The following PPM1H variants were observed in gnomAD, a reference collection of about 807,000 sequenced individuals.
PPM1H encodes protein phosphatase, Mg2+/Mn2+ dependent 1H.
Under a neutral mutation model 54.9 loss-of-function variants are expected in PPM1H, and 27 were observed. The ratio of observed to expected loss-of-function variants is 0.49; its 90% CI spans 0.36 to 0.68. The LOEUF (loss-of-function observed/expected upper bound fraction) is 0.68, where lower values mean the gene tolerates loss of function less well. Ranked by LOEUF, PPM1H falls within the 30% of genes least tolerant of loss-of-function variation. PPM1H has a pLI of 0.00. For missense variants in PPM1H, 596 were observed against 667.8 expected (o/e 0.89, Z 1.19); for synonymous variants, 305 against 270.8 (o/e 1.13, Z -1.24).
chr12:62,724,147 T>C (rs1379124361), intron 5 of PPM1H, among the ~76,000 whole-genome samples: 1 of 152,224 alleles, frequency 6.6e-6, no homozygotes, highest in Non-Finnish European at 1.5e-5. Flanking sequence ...TGTCCTTTGA[T>C]CAAACTTCTG....
rs2076772795 is a variant in PPM1H at position 62,801,939 on chromosome 12, G to A, written c.633C>T (p.Ser211=). ...ANSRTLTRAA[S]LRGGVGAPGS... ...CCGGGGCCCCCACCCCTCCGCGCAGGGAGGCTGCCCGGGTCAGAGTCCGGC... is the reference window on the plus strand; with the variant it reads ...CCGGGGCCCCCACCCCTCCGCGCAGAGAGGCTGCCCGGGTCAGAGTCCGGC... The change falls in exon 3 of 10, where the codon TCC becomes TCT. Residue 211 remains serine, a synonymous_variant. Transcript: ENST00000228705. The A allele has an allele frequency of 1.9e-6, 3 of 1,612,942 alleles. No individual in the cohort carries two copies. The highest frequency in any genetic ancestry group is 1.7e-4 in the Middle Eastern group (1 of 6,058).
chr12:62,700,919 TTTA>T (rs2076140624), intron 6 of PPM1H, among the ~76,000 whole-genome samples: 1 of 152,224 alleles, frequency 6.6e-6, no homozygotes, highest in Admixed American at 6.5e-5. Flanking sequence ...CCTTTCCTGC[TTTA>T]TTTTTTTTCC....
intron 2 of PPM1H, among the ~76,000 whole-genome samples, chr12:62,820,695 A>G (rs918934709): frequency 3.9e-5 from 6 of 152,240 alleles, no homozygotes; most frequent in Admixed American, 6.5e-5. Context: ...TTAGAAGGAA[A>G]ACTAACAAAC....
chr12:62,831,990 A>G, intron 2 of PPM1H, 124 bp downstream of exon 2: 1 of 1,171,520 alleles, frequency 8.5e-7, no homozygotes, highest in Non-Finnish European at 1.2e-6. Context: ...CCACCCCACT[A>G]ACTCTGGGGA....
chr12:62,809,869 G>A (rs2076824670), intron 2 of PPM1H, among the ~76,000 whole-genome samples: 1 of 152,104 alleles, frequency 6.6e-6, no homozygotes. Context: ...CTGGAACTAT[G>A]ACCATCATGT....
At chr12:62,697,341 C>T (rs766663002) in intron 6 of PPM1H, among the ~76,000 whole-genome samples, 28 of 152,254 alleles carry the variant, frequency 1.8e-4, no homozygotes, top group Non-Finnish European at 3.7e-4. Flanking sequence ...TGGTCCTGAA[C>T]TCCTGACCTC....
intron 9 of PPM1H, among the ~76,000 whole-genome samples, chr12:62,664,127 TTC>T (rs981701486): frequency 1.3e-5 from 2 of 152,262 alleles, no homozygotes; most frequent in African/African-American, 4.8e-5. Flanking sequence ...CTTTCTTTTC[TTC>T]TCTGTTTCCA....
At chr12:62,777,907 T>C (rs1201940669) in intron 4 of PPM1H, among the ~76,000 whole-genome samples, 1 of 152,208 alleles carries the variant, frequency 6.6e-6, no homozygotes, top group African/African-American at 2.4e-5. Context: ...TGGTATGCTG[T>C]TTACTTGTAG....
At chr12:62,909,960 G>T (rs1365326347) in intron 1 of PPM1H, among the ~76,000 whole-genome samples, 1 of 152,162 alleles carries the variant, frequency 6.6e-6, no homozygotes, top group South Asian at 2.1e-4. Context: ...TGAAGATTAC[G>T]GAGGTTTTAA....
chr12:62,833,543 C>T (rs2120864804), intron 1 of PPM1H, among the ~76,000 whole-genome samples: 1 of 152,224 alleles, frequency 6.6e-6, no homozygotes, highest in South Asian at 2.1e-4. Context: ...ATTCAAATTT[C>T]ACCATTTCTT....
chr12:62,753,368 C>A (rs527410055), intron 4 of PPM1H, among the ~76,000 whole-genome samples: 18 of 152,326 alleles, frequency 1.2e-4, no homozygotes, highest in Middle Eastern at 3.4e-3. Context: ...AAACACTCTT[C>A]TTTGTCACAG....
intron 3 of PPM1H, among the ~76,000 whole-genome samples, chr12:62,794,974 C>T (rs550841629): frequency 1.3e-5 from 2 of 152,064 alleles, no homozygotes; most frequent in African/African-American, 4.8e-5. Flanking sequence ...AGGAGGGATT[C>T]GCTACATAGC....
At chr12:62,773,598 A>G (rs1476299678) in intron 4 of PPM1H, among the ~76,000 whole-genome samples, 1 of 152,234 alleles carries the variant, frequency 6.6e-6, no homozygotes, top group Non-Finnish European at 1.5e-5. Flanking sequence ...GCCCACATGC[A>G]GCCACTAAAC....
At position 62,788,451 on chromosome 12, in the gene PPM1H, A is replaced by G. The variant is rs1006997254; in HGVS notation, c.757-113T>C. The G allele has an allele frequency of 1.8e-5, 12 of 670,814 alleles. No individual in the cohort carries two copies. In the South Asian group the frequency reaches 2.4e-4, roughly 13 times the overall value. 41.6% of individuals were successfully genotyped at this position (670,814 alleles called of 1,614,324 possible). ...TCTGAATGTGCTTCAAGAAGGGACTAGAAAAATCTTTAGTGCTTGCTTTCC... is the reference window on the plus strand; with the variant it reads ...TCTGAATGTGCTTCAAGAAGGGACTGGAAAAATCTTTAGTGCTTGCTTTCC... On this transcript the variant is annotated intron_variant, in intron 3 of 9. Transcript: ENST00000228705.
intron 6 of PPM1H, among the ~76,000 whole-genome samples, chr12:62,698,517 A>G (rs186289369): frequency 5.4e-4 from 82 of 152,228 alleles, no homozygotes; most frequent in African/African-American, 1.8e-3. Flanking sequence ...TGCATCCAAC[A>G]AACAGTAACT....
At chr12:62,826,628 T>A (rs1401228039) in intron 2 of PPM1H, among the ~76,000 whole-genome samples, 2 of 152,196 alleles carry the variant, frequency 1.3e-5, no homozygotes, top group Non-Finnish European at 2.9e-5. Context: ...TTATTAAAAA[T>A]TTTAGGTTTT....
chr12:62,844,171 C>T lies in PPM1H; in HGVS notation c.246-11892G>A, dbSNP rs1868866528. 6.6e-6 allele frequency among the ~76,000 whole-genome samples: 1 copy of T among 152,214 alleles called. No individual in the cohort carries two copies. The highest frequency in any genetic ancestry group is 6.5e-5 in the Admixed American group (1 of 15,284). ...TAAGAACAGCCACCTGGGCAGCACA[C>T]ACTCCAAATGGATGGGGTTGGTGTT... On this transcript the variant is annotated intron_variant, in intron 1 of 9. Transcript: ENST00000228705. This position sits in a 1 kb window ranked among gnomAD's most constrained non-coding sequence, Gnocchi z 5.2.
At chr12:62,715,420 C>T (rs1041780583) in intron 6 of PPM1H, among the ~76,000 whole-genome samples, 2 of 151,818 alleles carry the variant, frequency 1.3e-5, no homozygotes, top group African/African-American at 4.8e-5. Flanking sequence ...GTAAATCTAG[C>T]CACTGTGCAA....
At chr12:62,655,623 A>G (rs2075839622) in intron 9 of PPM1H, among the ~76,000 whole-genome samples, 1 of 152,216 alleles carries the variant, frequency 6.6e-6, no homozygotes, top group Non-Finnish European at 1.5e-5. Context: ...TAAAATATCC[A>G]AGAGAGCAGC....
Sources: gnomAD v4.1 joint callset for allele counts (sites outside exome capture counted in the v4.1 genomes callset) on GRCh38, gnomAD v4.1.1 for gene constraint, Gnocchi (gnomAD v3.1) non-coding constraint, MANE v1.5 for transcripts, NCBI Gene and HGNC (gene_info 2026-07-23, HGNC 2026-07-21) for gene names.